SAMD4A: variants seen among roughly 807,000 people sequenced by gnomAD.
SAMD4A encodes protein Smaug homolog 1.
In SAMD4A, 33 loss-of-function variants were observed where a neutral mutation model predicts 81.3. That is an observed-to-expected ratio of 0.41 (90% CI 0.31 to 0.54). SAMD4A has a LOEUF of 0.54. Among genes scored for constraint, SAMD4A ranks in the 20% least tolerant of loss-of-function variants. The probability of loss-of-function intolerance (pLI) is 0.37; values close to 1 mark genes in which losing one functional copy is unlikely to be tolerated. For missense variants in SAMD4A, 854 were observed against 951.1 expected (o/e 0.90, Z 1.34); for synonymous variants, 389 against 382.1 (o/e 1.02, Z -0.21).
At chr14:54,647,463 ACAC>A (rs1430251273) in intron 2 of SAMD4A, among the ~76,000 whole-genome samples, 1 of 152,208 alleles carries the variant, frequency 6.6e-6, no homozygotes, top group Non-Finnish European at 1.5e-5. Flanking sequence ...CCTTATGAAA[ACAC>A]ACTTTTTAAA....
rs1355144038 is a variant in SAMD4A at position 54,789,232 on chromosome 14, C to G, written c.*288C>G. 1 of 530,418 alleles carries G rather than the reference C, an allele frequency of 1.9e-6. No individual in the cohort carries two copies. Among genetic ancestry groups the G allele is most frequent in the Non-Finnish European group, 3.4e-6 (1 of 294,132 alleles). The allele number at this position is 530,418 out of a possible 1,614,324, so 32.9% of individuals were successfully genotyped here. ...GACTGGGAGGGGGGTGGAGGGAATG[C>G]AGGTAGCTCTCTGGATGGAACGGGG... is the stretch of plus-strand genomic sequence containing the variant. On this transcript the variant is annotated 3_prime_UTR_variant, in exon 13 of 13. Coordinates refer to ENST00000554335, the MANE Select transcript of SAMD4A (RefSeq NM_015589.6).
chr14:54,565,969 G>A (rs917787793), upstream of SAMD4A, among the ~76,000 whole-genome samples: 1 of 151,086 alleles, frequency 6.6e-6, no homozygotes, highest in African/African-American at 2.4e-5. This position sits in a 1 kb window ranked among gnomAD's most constrained non-coding sequence, Gnocchi z 5.4. Flanking sequence ...CGGGTCCGGG[G>A]TTCCTCCCCC....
intron 2 of SAMD4A, among the ~76,000 whole-genome samples, chr14:54,673,810 A>C (rs2035935214): frequency 6.6e-6 from 1 of 152,204 alleles, no homozygotes; most frequent in Admixed American, 6.5e-5. Flanking sequence ...AGGGAGATCA[A>C]ATTTCGGTCT....
intron 5 of SAMD4A, among the ~76,000 whole-genome samples, chr14:54,749,551 T>C (rs567543872): frequency 5.3e-5 from 8 of 152,318 alleles, no homozygotes; most frequent in South Asian, 4.1e-4. Flanking sequence ...GAGATTTCCA[T>C]AGGTCTCAGA....
chr14:54,749,024 C>G (rs1039375343), intron 5 of SAMD4A, 100 bp downstream of exon 5: 8 of 771,836 alleles, frequency 1.0e-5, no homozygotes, highest in Non-Finnish European at 1.7e-5. Flanking sequence ...TATGCCCACA[C>G]AGTAGCTTGC....
chr14:54,675,649 G>A (rs1206548718), intron 2 of SAMD4A, among the ~76,000 whole-genome samples: 1 of 152,208 alleles, frequency 6.6e-6, no homozygotes, highest in Non-Finnish European at 1.5e-5. Flanking sequence ...CAATAGAGTT[G>A]TCATATCAAA....
chr14:54,624,030 C>A (rs2034685868), intron 2 of SAMD4A, among the ~76,000 whole-genome samples: 1 of 152,026 alleles, frequency 6.6e-6, no homozygotes. Flanking sequence ...GGCTGGAGTG[C>A]GGTGGCGCGA....
chr14:54,674,522 A>G (rs1456027128), intron 2 of SAMD4A, among the ~76,000 whole-genome samples: 5 of 150,628 alleles, frequency 3.3e-5, no homozygotes, highest in Non-Finnish European at 6.0e-5. Flanking sequence ...TGGTGTAGAT[A>G]CTGGTGTAGA....
At chr14:54,770,679 G>A (rs2038679730) in intron 9 of SAMD4A, among the ~76,000 whole-genome samples, 1 of 152,212 alleles carries the variant, frequency 6.6e-6, no homozygotes, top group South Asian at 2.1e-4. Flanking sequence ...CCCAGTGCTA[G>A]TCTATTTTGG....
chr14:54,566,724 C>T (rs895114423), upstream of SAMD4A, among the ~76,000 whole-genome samples: 1 of 151,796 alleles, frequency 6.6e-6, no homozygotes, highest in Non-Finnish European at 1.5e-5. Flanking sequence ...CCGTAGGCGG[C>T]GGCGGCAGGA....
chr14:54,575,279 G>A (rs1000252756), intron 2 of SAMD4A, among the ~76,000 whole-genome samples: 1 of 152,164 alleles, frequency 6.6e-6, no homozygotes, highest in Admixed American at 6.5e-5. Flanking sequence ...TCCTCAGTCC[G>A]ATGCTCTTTC....
chr14:54,580,730 A>G (rs1381539646), intron 2 of SAMD4A, among the ~76,000 whole-genome samples: 3 of 152,184 alleles, frequency 2.0e-5, no homozygotes, highest in Non-Finnish European at 2.9e-5. Context: ...TTTGTATAGC[A>G]CTAGTCTCAA....
chr14:54,630,908 ATGTG>A (rs5808786), intron 2 of SAMD4A, among the ~76,000 whole-genome samples: 16,066 of 144,126 alleles, frequency 0.11, 1,149 homozygotes, highest in East Asian at 0.3. Context: ...TGTATTTTAT[ATGTG>A]TGTGTGTGTG....
At chr14:54,634,307 A>T in intron 2 of SAMD4A, among the ~76,000 whole-genome samples, 1 of 142,392 alleles carries the variant, frequency 7.0e-6, no homozygotes, top group African/African-American at 2.6e-5. Flanking sequence ...GGGAGGGGGG[A>T]AGTACTGTTG....
At chr14:54,679,001 G>T (rs914646596) in intron 2 of SAMD4A, among the ~76,000 whole-genome samples, 1 of 152,206 alleles carries the variant, frequency 6.6e-6, no homozygotes, top group Non-Finnish European at 1.5e-5. Context: ...AAATAGCCAA[G>T]AGATAGCAGG....
In SAMD4A at chr14:54,790,779, C is replaced by A. The variant is rs2039246529; in HGVS notation, c.*1835C>A. 1 of 149,654 alleles carries A rather than the reference C, an allele frequency of 6.7e-6. No homozygotes were observed. Among genetic ancestry groups the A allele is most frequent in the Non-Finnish European group, 1.5e-5 (1 of 67,544 alleles). 9.3% of individuals were successfully genotyped at this position (149,654 alleles called of 1,614,324 possible). A position where few individuals can be genotyped will look rare whatever the true frequency, so the allele number is the denominator to read the frequency against. ...CCTTTTTTTTTTAAAAGCTAATGAA[C>A]TACATACAGACCTAAAAGGCCTTAA... On this transcript the variant is annotated 3_prime_UTR_variant, in exon 13 of 13. Transcript: ENST00000554335.
chr14:54,566,797 G>C (rs2032950923), upstream of SAMD4A, among the ~76,000 whole-genome samples: 1 of 152,042 alleles, frequency 6.6e-6, no homozygotes, highest in Non-Finnish European at 1.5e-5. Context: ...CGCTCCGGCC[G>C]GAGCAGGCCC....
chr14:54,768,474 C>G (rs971913776), intron 8 of SAMD4A, among the ~76,000 whole-genome samples: 1 of 152,186 alleles, frequency 6.6e-6, no homozygotes, highest in African/African-American at 2.4e-5. Flanking sequence ...GATTCGAGCC[C>G]TGCCCATCTG....
chr14:54,697,129 C>A (rs1165155354), intron 2 of SAMD4A, among the ~76,000 whole-genome samples: 1 of 152,212 alleles, frequency 6.6e-6, no homozygotes, highest in African/African-American at 2.4e-5. Context: ...TTGGACAGGA[C>A]CTAGCCAGTG....
Sources: allele counts gnomAD v4.1 joint callset (sites outside exome capture counted in the v4.1 genomes callset), GRCh38; gene constraint gnomAD v4.1.1; non-coding constraint Gnocchi (gnomAD v3.1); transcripts MANE v1.5; gene names NCBI Gene and HGNC (gene_info 2026-07-23, HGNC 2026-07-21).